The following DEPTOR variants were observed in gnomAD, a reference collection of about 807,000 sequenced individuals.
The protein encoded by DEPTOR is DEP domain-containing mTOR-interacting protein.
A neutral mutation model predicts 41.6 loss-of-function variants in DEPTOR; 41 were observed. The ratio of observed to expected loss-of-function variants is 0.98; its 90% confidence interval spans 0.77 to 1.28. The LOEUF (loss-of-function observed/expected upper bound fraction) is 1.28. DEPTOR is among the 50% of genes most tolerant of loss of function. DEPTOR has a pLI of 0.00. For synonymous variants in DEPTOR, 195 were observed against 192.3 expected (o/e 1.01, Z -0.12); for missense variants, 514 against 527.9 (o/e 0.97, Z 0.26).
intron 1 of DEPTOR, among the ~76,000 whole-genome samples, chr8:119,927,245 C>A (rs1197231743): frequency 6.6e-6 from 1 of 152,146 alleles, no homozygotes; most frequent in Non-Finnish European, 1.5e-5. Context: ...TGGCAACATT[C>A]CGTGCCATGG....
rs1813121057 is a variant in DEPTOR, at chr8:120,044,156, T to TTTA, written c.1102-5418_1102-5417insATT. ...AGATCCAGAGAACCAAGCTTTTTATTTTTATTTATTTATTTATTTTTTTGA... is the reference window on the plus strand; with the variant it reads ...AGATCCAGAGAACCAAGCTTTTTATTTTATTTATTTATTTATTTATTTTTTTGA... On this transcript the variant is annotated intron_variant, in intron 8 of 8. Coordinates refer to ENST00000286234, the MANE Select transcript of DEPTOR (RefSeq NM_022783.4). Among the ~76,000 whole-genome samples the TTTA allele has an allele frequency of 4.0e-5, 6 of 151,808 alleles. No homozygotes were observed. The South Asian group carries it at 1.3e-3, about 32-fold the overall frequency.
intron 8 of DEPTOR, among the ~76,000 whole-genome samples, chr8:120,031,446 C>G (rs1015748947): frequency 6.6e-6 from 1 of 152,040 alleles, no homozygotes; most frequent in African/African-American, 2.4e-5. Context: ...GCCTGGGTGA[C>G]AGAGTAAGAC....
intron 3 of DEPTOR, among the ~76,000 whole-genome samples, chr8:119,944,121 T>G (rs1828238977): frequency 6.6e-6 from 1 of 152,186 alleles, no homozygotes; most frequent in African/African-American, 2.4e-5. Context: ...ATTACAGGCG[T>G]TAGCCACCGC....
chr8:120,029,230 A>C (rs1434011111), intron 8 of DEPTOR, among the ~76,000 whole-genome samples: 1 of 152,142 alleles, frequency 6.6e-6, no homozygotes, highest in Non-Finnish European at 1.5e-5. Context: ...GTACCCATGA[A>C]TGGCTTTGGT....
chr8:119,920,223 C>T (rs1280704543), intron 1 of DEPTOR, among the ~76,000 whole-genome samples: 1 of 152,186 alleles, frequency 6.6e-6, no homozygotes, highest in Non-Finnish European at 1.5e-5. Flanking sequence ...TCTATCTATG[C>T]TTCCCACCAT....
In DEPTOR at chr8:119,873,983, A is replaced by G. The variant is rs1413582862; in HGVS notation, c.122+15A>G. Reference sequence around the variant, plus strand: ...GAACAGCTACGGTAAGGCAAGAGACACAGCGGGTGAGCTCACGATGGCACT... The same window carrying G: ...GAACAGCTACGGTAAGGCAAGAGACGCAGCGGGTGAGCTCACGATGGCACT... On this transcript the variant is annotated intron_variant, in intron 1 of 8. Coordinates refer to ENST00000286234, the MANE Select transcript of DEPTOR (RefSeq NM_022783.4). 5.0e-6 allele frequency: 8 copies of G among 1,612,848 alleles called. No homozygotes were observed. The South Asian group carries it at 6.6e-5, about 13-fold the overall frequency.
intron 3 of DEPTOR, among the ~76,000 whole-genome samples, chr8:119,952,170 A>G (rs145053226): frequency 0.015 from 2,357 of 152,290 alleles, 58 homozygotes; most frequent in African/African-American, 0.054. Flanking sequence ...TTTCTTTAAA[A>G]GAAAAAAAAA....
At chr8:119,904,791 C>A (rs1050549890) in intron 1 of DEPTOR, among the ~76,000 whole-genome samples, 12 of 151,602 alleles carry the variant, frequency 7.9e-5, no homozygotes, top group African/African-American at 2.7e-4. Context: ...CCATTTTGCA[C>A]CCCGCCTTTA....
intron 1 of DEPTOR, among the ~76,000 whole-genome samples, chr8:119,884,539 G>C (rs1047006386): frequency 1.4e-5 from 2 of 147,430 alleles, no homozygotes; most frequent in Admixed American, 6.9e-5. Flanking sequence ...AAGGCAATTT[G>C]CAAAGAAAAA....
At chr8:119,888,213 T>C (rs1392262365) in intron 1 of DEPTOR, among the ~76,000 whole-genome samples, 1 of 152,076 alleles carries the variant, frequency 6.6e-6, no homozygotes, top group Non-Finnish European at 1.5e-5. Flanking sequence ...ATCATATTTT[T>C]CTCCTTCTAG....
chr8:120,006,783 T>C (rs374890823), intron 6 of DEPTOR, 22 bp from the exon 7 acceptor site: 2 of 1,612,600 alleles, frequency 1.2e-6, no homozygotes, highest in South Asian at 2.2e-5. Context: ...GCTTATGTCT[T>C]GACATTGTGT....
intron 3 of DEPTOR, among the ~76,000 whole-genome samples, chr8:119,962,215 C>T (rs775727005): frequency 2.6e-5 from 4 of 151,876 alleles, no homozygotes; most frequent in Non-Finnish European, 5.9e-5. Flanking sequence ...TGAGATTGCA[C>T]CACTGCACTC....
In DEPTOR at chr8:120,018,615, C is replaced by A. The variant is rs554103606; in HGVS notation, c.1101+9482C>A. ...AATGTAGTTCCTTTCCAGTGGAGTTCAGGAAAGTCATATGGGATAAACAGC... is the reference window on the plus strand; with the variant it reads ...AATGTAGTTCCTTTCCAGTGGAGTTAAGGAAAGTCATATGGGATAAACAGC... On this transcript the variant is annotated intron_variant, in intron 8 of 8. Coordinates refer to ENST00000286234, the MANE Select transcript of DEPTOR (RefSeq NM_022783.4). Among the ~76,000 whole-genome samples, 7 of 152,224 alleles carry A rather than the reference C, an allele frequency of 4.6e-5. No individual in the cohort carries two copies. In the South Asian group the frequency reaches 1.4e-3, roughly 32 times the overall value.
intron 1 of DEPTOR, among the ~76,000 whole-genome samples, chr8:119,898,544 T>C (rs1241742862): frequency 2.0e-5 from 3 of 151,824 alleles, no homozygotes; most frequent in Non-Finnish European, 1.5e-5. Flanking sequence ...GGCAATGTGA[T>C]GAGACCCCGC....
chr8:119,921,192 G>T (rs984688211), intron 1 of DEPTOR, among the ~76,000 whole-genome samples: 2 of 152,142 alleles, frequency 1.3e-5, no homozygotes, highest in Non-Finnish European at 2.9e-5. Context: ...GGCCAGGTTG[G>T]TCTCGAACTC....
chr8:119,983,917 G>T (rs748340673), intron 4 of DEPTOR, among the ~76,000 whole-genome samples: 2 of 152,054 alleles, frequency 1.3e-5, no homozygotes, highest in African/African-American at 4.8e-5. Context: ...TATCTCTTCA[G>T]TCTCAAAAGC....
At chr8:119,954,138 T>A (rs34750794) in intron 3 of DEPTOR, among the ~76,000 whole-genome samples, 6,184 of 151,240 alleles carry the variant, frequency 0.041, 182 homozygotes, top group Admixed American at 0.058. Context: ...GGTGAATGAA[T>A]AATTAACTTT....
intron 6 of DEPTOR, 78 bp downstream of exon 6, chr8:120,003,189 G>A: frequency 6.4e-7 from 1 of 1,571,208 alleles, no homozygotes; most frequent in South Asian, 1.1e-5. Flanking sequence ...ATCTGAGATA[G>A]CGGGAGACTA....
chr8:119,889,925 G>C (rs1827430158), intron 1 of DEPTOR, among the ~76,000 whole-genome samples: 1 of 152,084 alleles, frequency 6.6e-6, no homozygotes, highest in African/African-American at 2.4e-5. Flanking sequence ...AATCATTGTA[G>C]AGAAGTGATC....
Sources: gnomAD v4.1 joint callset for allele counts (sites outside exome capture counted in the v4.1 genomes callset) on GRCh38, gnomAD v4.1.1 for gene constraint, MANE v1.5 for transcripts, NCBI Gene and HGNC (gene_info 2026-07-23, HGNC 2026-07-21) for gene names.